Variants in PRKG1 observed in about 807,000 individuals in gnomAD.
PRKG1 encodes protein kinase cGMP-dependent 1, also known as cGMP-dependent protein kinase 1.
In PRKG1, 35 loss-of-function variants were observed where a neutral mutation model predicts 88.1. The observed-to-expected ratio is 0.40, with a 90% CI of 0.30 to 0.53. PRKG1 has a LOEUF of 0.53. Among genes scored for constraint, PRKG1 ranks in the 20% least tolerant of loss-of-function variants. The pLI is 0.59. For missense variants in PRKG1, 540 were observed against 839.8 expected (o/e 0.64, Z 4.41); for synonymous variants, 303 against 292.5 (o/e 1.04, Z -0.37).
At chr10:51,269,468 T>TA (rs1421093782) in intron 2 of PRKG1, among the ~76,000 whole-genome samples, 8 of 152,280 alleles carry the variant, frequency 5.3e-5, no homozygotes, top group African/African-American at 1.9e-4. Context: ...CCAACTTAAA[T>TA]ACCCATCAAC....
At chr10:51,986,484 G>C (rs986630418) in intron 5 of PRKG1, among the ~76,000 whole-genome samples, 1 of 152,222 alleles carries the variant, frequency 6.6e-6, no homozygotes, top group African/African-American at 2.4e-5. Context: ...CTTTCTCAGA[G>C]ATCTGGGCAA....
chr10:51,725,220 A>G (rs1389972792), intron 3 of PRKG1, among the ~76,000 whole-genome samples: 1 of 152,204 alleles, frequency 6.6e-6, no homozygotes, highest in Non-Finnish European at 1.5e-5. Context: ...ATATGGCAAA[A>G]AATTCAGATG....
chr10:51,683,787 C>A (rs1840911992), intron 3 of PRKG1, among the ~76,000 whole-genome samples: 1 of 152,172 alleles, frequency 6.6e-6, no homozygotes, highest in Non-Finnish European at 1.5e-5. Flanking sequence ...CCTGTGGTTG[C>A]ACACTTGCTT....
intron 2 of PRKG1, among the ~76,000 whole-genome samples, chr10:51,396,851 G>C (rs1024361059): frequency 5.3e-5 from 8 of 152,212 alleles, no homozygotes; most frequent in African/African-American, 1.7e-4. Flanking sequence ...GGGGTGAACT[G>C]AGTGAAACAC....
At chr10:51,734,011 A>G (rs1486618395) in intron 3 of PRKG1, among the ~76,000 whole-genome samples, 1 of 152,164 alleles carries the variant, frequency 6.6e-6, no homozygotes, top group East Asian at 1.9e-4. Flanking sequence ...TCTAATAAAC[A>G]AAATGTTTCT....
intron 1 of PRKG1, among the ~76,000 whole-genome samples, chr10:51,114,822 G>T (rs1845071562): frequency 6.6e-6 from 1 of 152,104 alleles, no homozygotes; most frequent in African/African-American, 2.4e-5. Context: ...ATGACTTGGA[G>T]CCCAAGTAAA....
intron 1 of PRKG1, among the ~76,000 whole-genome samples, chr10:51,126,199 T>TA (rs1845404685): frequency 1.6e-3 from 189 of 121,904 alleles, no homozygotes; most frequent in African/African-American, 5.7e-3. Flanking sequence ...ATTATTTATA[T>TA]GTTATTTATA....
In PRKG1 at chr10:51,659,527, GGCTT is replaced by G. The variant is rs1341670491; in HGVS notation, c.593-145056_593-145053del. On this transcript the variant is annotated intron_variant, in intron 3 of 17. Coordinates refer to ENST00000373980, the MANE Select transcript of PRKG1 (RefSeq NM_006258.4). ...GGTTATGATGATGTGATGACTAAAA[GGCTT>G]GACTCAGTCCATTGGAAATATGAGA... is the stretch of plus-strand genomic sequence containing the variant. Among the ~76,000 whole-genome samples the G allele has an allele frequency of 7.4e-4, 112 of 152,200 alleles. 1 individual carries two copies. Among genetic ancestry groups the G allele is most frequent in the South Asian group, 3.9e-3 (19 of 4,824 alleles).
intron 1 of PRKG1, among the ~76,000 whole-genome samples, chr10:51,118,040 T>C (rs1230072996): frequency 2.6e-5 from 4 of 152,166 alleles, no homozygotes; most frequent in African/African-American, 7.2e-5. Flanking sequence ...GCAGATGTCA[T>C]AGATGTTGGA....
At chr10:51,449,678 A>G (rs994411747) in intron 2 of PRKG1, among the ~76,000 whole-genome samples, 30 of 100,700 alleles carry the variant, frequency 3.0e-4, no homozygotes, top group African/African-American at 8.9e-4. Flanking sequence ...ATTTGGATAT[A>G]TTTTTATATC....
chr10:51,374,422 A>G (rs1406999721), intron 2 of PRKG1, among the ~76,000 whole-genome samples: 2 of 151,920 alleles, frequency 1.3e-5, no homozygotes, highest in Non-Finnish European at 2.9e-5. Context: ...ACATGAACTC[A>G]TCCTTTTTTA....
chr10:51,333,149 C>T (rs562015008), intron 2 of PRKG1, among the ~76,000 whole-genome samples: 1 of 152,344 alleles, frequency 6.6e-6, no homozygotes, highest in East Asian at 1.9e-4. Context: ...TATAAGTCTA[C>T]TCAGTGTTCA....
chr10:51,042,161 C>G (rs990642031), intron 1 of PRKG1, among the ~76,000 whole-genome samples: 3 of 152,172 alleles, frequency 2.0e-5, no homozygotes, highest in Admixed American at 1.3e-4. Flanking sequence ...AACTCTCACA[C>G]CTCCTCCTGG....
intron 1 of PRKG1, among the ~76,000 whole-genome samples, chr10:51,016,313 C>A (rs1843058744): frequency 6.6e-6 from 1 of 152,100 alleles, no homozygotes; most frequent in South Asian, 2.1e-4. Context: ...TTAAAGCTTA[C>A]GTTCTTTGTT....
At chr10:51,986,687 C>T (rs1844165784) in intron 5 of PRKG1, among the ~76,000 whole-genome samples, 1 of 152,144 alleles carries the variant, frequency 6.6e-6, no homozygotes, top group South Asian at 2.1e-4. Context: ...GCAGACTCTA[C>T]CTTGGTAACA....
chr10:50,994,831 T>G (rs1294253353), intron 1 of PRKG1, among the ~76,000 whole-genome samples: 1 of 134,478 alleles, frequency 7.4e-6, no homozygotes, highest in African/African-American at 2.8e-5. Context: ...AAAAAAAGAA[T>G]GATTGTGCCT....
intron 3 of PRKG1, among the ~76,000 whole-genome samples, chr10:51,629,857 G>A (rs1839479202): frequency 6.6e-6 from 1 of 152,166 alleles, no homozygotes; most frequent in African/African-American, 2.4e-5. Context: ...TCATGCACCA[G>A]CTGGGAGAAA....
chr10:51,730,464 A>C (rs1015763537), intron 3 of PRKG1, among the ~76,000 whole-genome samples: 1 of 152,202 alleles, frequency 6.6e-6, no homozygotes, highest in Non-Finnish European at 1.5e-5. Context: ...ACTCATGTGA[A>C]GTGGGATGGG....
At chr10:51,847,940 T>C (rs1840445792) in intron 4 of PRKG1, among the ~76,000 whole-genome samples, 1 of 147,378 alleles carries the variant, frequency 6.8e-6, no homozygotes, top group African/African-American at 2.5e-5. Context: ...TACATATACA[T>C]TAAATATACT....
Sources: allele counts gnomAD v4.1 joint callset (sites outside exome capture counted in the v4.1 genomes callset), GRCh38; gene constraint gnomAD v4.1.1; transcripts MANE v1.5; gene names NCBI Gene and HGNC (gene_info 2026-07-23, HGNC 2026-07-21).